Variants in GPC5 observed in about 807,000 individuals in gnomAD.
GPC5 encodes glypican-5.
In GPC5, 47 loss-of-function variants were observed where a neutral mutation model predicts 53.9. The observed-to-expected ratio is 0.87, with a 90% CI of 0.69 to 1.11. The LOEUF (loss-of-function observed/expected upper bound fraction) is 1.11. Ranked by LOEUF, GPC5 falls within the 50% of genes most tolerant of loss-of-function variation. The pLI is 0.00. For synonymous variants in GPC5, 286 were observed against 263.3 expected (o/e 1.09, Z -0.84); for missense variants, 748 against 713.1 (o/e 1.05, Z -0.56).
chr13:91,721,191 A>G (rs968625761), intron 3 of GPC5, among the ~76,000 whole-genome samples: 2 of 150,256 alleles, frequency 1.3e-5, no homozygotes, highest in Non-Finnish European at 2.9e-5. Context: ...CTGGAATGCA[A>G]TGGTGCAATC....
At chr13:92,740,944 G>GGA (rs1889070469) in intron 7 of GPC5, among the ~76,000 whole-genome samples, 1 of 96,886 alleles carries the variant, frequency 1.0e-5, no homozygotes, top group African/African-American at 3.7e-5. Flanking sequence ...ATGTATGTGT[G>GGA]TATATATATG....
intron 2 of GPC5, among the ~76,000 whole-genome samples, chr13:91,669,808 A>G (rs376543934): frequency 6.6e-6 from 1 of 152,212 alleles, no homozygotes; most frequent in African/African-American, 2.4e-5. Context: ...TCAAAATTCT[A>G]TAGTTACCCT....
At chr13:91,725,509 C>T (rs904046810) in intron 3 of GPC5, among the ~76,000 whole-genome samples, 3 of 152,044 alleles carry the variant, frequency 2.0e-5, no homozygotes, top group African/African-American at 7.2e-5. Flanking sequence ...AGTTAATCTC[C>T]CTCATAGCAA....
chr13:92,674,637 A>T (rs896513577), intron 7 of GPC5, among the ~76,000 whole-genome samples: 1 of 151,856 alleles, frequency 6.6e-6, no homozygotes, highest in African/African-American at 2.4e-5. Flanking sequence ...TCATACCATT[A>T]TTAATAGAGG....
chr13:91,769,709 G>A (rs1484872394), intron 5 of GPC5, among the ~76,000 whole-genome samples: 9 of 152,152 alleles, frequency 5.9e-5, no homozygotes, highest in Admixed American at 3.9e-4. Flanking sequence ...CCGGGAAGAA[G>A]CTTGGATTTT....
At chr13:92,751,303 T>TA (rs71123435) in intron 7 of GPC5, among the ~76,000 whole-genome samples, 3,683 of 38,508 alleles carry the variant, frequency 0.096, 287 homozygotes, top group Non-Finnish European at 0.13. Context: ...CAGAAACATT[T>TA]AAAAAAAAAA....
chr13:91,740,151 C>T (rs1176710811), intron 4 of GPC5, among the ~76,000 whole-genome samples: 2 of 152,258 alleles, frequency 1.3e-5, no homozygotes, highest in East Asian at 1.9e-4. Context: ...TGATGAGTTG[C>T]CTGCATACTG....
chr13:92,075,339 G>A (rs1157098017), intron 6 of GPC5, among the ~76,000 whole-genome samples: 3 of 152,122 alleles, frequency 2.0e-5, no homozygotes, highest in South Asian at 2.1e-4. Flanking sequence ...TAATTAGAGA[G>A]GTACTCTAAC....
chr13:91,399,187 G>A lies in GPC5; in HGVS notation c.141G>A (p.Gly47=), dbSNP rs1876719086. 1 of 1,612,566 alleles carries A rather than the reference G, an allele frequency of 6.2e-7. No individual in the cohort carries two copies. The highest frequency in any genetic ancestry group is 8.5e-7 in the Non-Finnish European group (1 of 1,179,676). ...FQWRLLGAVR[G]LPDSPRAGPD... ...GGCGGCTGCTGGGAGCTGTCAGGGG[G>A]CTGCCGGATTCGCCGCGGGCAGGTA... Residue 47 remains glycine (G), a synonymous_variant, in exon 1 of 8, where the codon GGG becomes GGA. Transcript: ENST00000377067.
chr13:91,545,852 A>G (rs16946144), intron 2 of GPC5, among the ~76,000 whole-genome samples: 2,599 of 152,208 alleles, frequency 0.017, 71 homozygotes, highest in African/African-American at 0.059. Context: ...ATAATATGCT[A>G]TCATGTTTTC....
intron 7 of GPC5, among the ~76,000 whole-genome samples, chr13:92,167,027 T>A (rs1184705090): frequency 6.6e-6 from 1 of 151,356 alleles, no homozygotes; most frequent in Non-Finnish European, 1.5e-5. Context: ...AACAGTTAAA[T>A]TTCCTTCTCA....
chr13:92,547,601 G>A (rs1882163086), intron 7 of GPC5, among the ~76,000 whole-genome samples: 1 of 151,980 alleles, frequency 6.6e-6, no homozygotes, highest in Admixed American at 6.6e-5. Flanking sequence ...CATTAATTAT[G>A]CTCCAATAGG....
intron 6 of GPC5, among the ~76,000 whole-genome samples, chr13:92,065,470 T>G (rs2041160597): frequency 6.6e-6 from 1 of 152,156 alleles, no homozygotes; most frequent in Non-Finnish European, 1.5e-5. Flanking sequence ...GCAAAGTTAA[T>G]GAGTCCCTAA....
intron 5 of GPC5, among the ~76,000 whole-genome samples, chr13:91,768,371 A>G (rs962020967): frequency 2.0e-5 from 3 of 152,140 alleles, no homozygotes; most frequent in African/African-American, 7.2e-5. Flanking sequence ...TTGATTTGAA[A>G]TTATTTTTAC....
chr13:92,524,065 T>C (rs1471188643), intron 7 of GPC5, among the ~76,000 whole-genome samples: 2 of 152,090 alleles, frequency 1.3e-5, no homozygotes, highest in African/African-American at 4.8e-5. Context: ...GGGGTTGCTG[T>C]AACAATTTAT....
chr13:92,626,211 C>T (rs1319775116), intron 7 of GPC5, among the ~76,000 whole-genome samples: 1 of 152,094 alleles, frequency 6.6e-6, no homozygotes, highest in African/African-American at 2.4e-5. Flanking sequence ...CTATAATCTC[C>T]TGGGAGGAAA....
At chr13:92,066,410 T>C (rs2041167661) in intron 6 of GPC5, among the ~76,000 whole-genome samples, 1 of 151,120 alleles carries the variant, frequency 6.6e-6, no homozygotes, top group South Asian at 2.1e-4. Context: ...TTTTGTTAAA[T>C]TAGGTTTTGA....
intron 7 of GPC5, among the ~76,000 whole-genome samples, chr13:92,454,346 G>A (rs921826110): frequency 3.3e-5 from 5 of 152,066 alleles, no homozygotes; most frequent in East Asian, 1.9e-4. Context: ...TTAGTCAGAA[G>A]CAATATGATT....
intron 7 of GPC5, among the ~76,000 whole-genome samples, chr13:92,471,077 C>T (rs553968285): frequency 7.4e-4 from 113 of 152,104 alleles, no homozygotes; most frequent in Middle Eastern, 3.4e-3. Context: ...GGAGGGCAGC[C>T]GTGTCCTTAT....
Sources: allele counts gnomAD v4.1 joint callset (sites outside exome capture counted in the v4.1 genomes callset), GRCh38; gene constraint gnomAD v4.1.1; transcripts MANE v1.5; gene names NCBI Gene and HGNC (gene_info 2026-07-23, HGNC 2026-07-21).